Variants in MAP3K2 observed in about 807,000 individuals in gnomAD.
MAP3K2 encodes mitogen-activated protein kinase kinase kinase 2.
In MAP3K2, 24 loss-of-function variants were observed where a neutral mutation model predicts 80.3. That is an observed-to-expected ratio of 0.30 (90% CI 0.22 to 0.42). The LOEUF (loss-of-function observed/expected upper bound fraction) is 0.42. Among genes scored for constraint, MAP3K2 ranks in the 10% least tolerant of loss-of-function variants. The pLI is 1.00. For synonymous variants in MAP3K2, 244 were observed against 253.7 expected, an observed-to-expected ratio of 0.96 and a Z score of 0.36; for missense variants, 608 against 750.1, an observed-to-expected ratio of 0.81 and a Z score of 2.21.
chr2:127,346,862 C>T (rs1462980870), intron 1 of MAP3K2, among the ~76,000 whole-genome samples: 2 of 152,020 alleles, frequency 1.3e-5, no homozygotes, highest in African/African-American at 4.8e-5. Flanking sequence ...GTGATGGGCA[C>T]CTATAATCCC....
At chr2:127,340,710 T>C (rs1489237437) in intron 2 of MAP3K2, among the ~76,000 whole-genome samples, 1 of 151,742 alleles carries the variant, frequency 6.6e-6, no homozygotes, top group Non-Finnish European at 1.5e-5. Flanking sequence ...TAGGGATAGA[T>C]GAACTCTAAT....
At chr2:127,351,690 CA>C (rs1686694428) in intron 1 of MAP3K2, among the ~76,000 whole-genome samples, 3 of 152,040 alleles carry the variant, frequency 2.0e-5, no homozygotes, top group African/African-American at 7.3e-5. Flanking sequence ...GATTTTACTC[CA>C]AACTCTAATA....
intron 9 of MAP3K2, among the ~76,000 whole-genome samples, chr2:127,324,839 T>C (rs1029109559): frequency 1.3e-5 from 2 of 152,204 alleles, no homozygotes; most frequent in East Asian, 1.9e-4. Context: ...TACTGTCCTA[T>C]TGAGACCAGG....
rs6714840 is a variant in MAP3K2 at position 127,354,625 on chromosome 2, T to A, written c.-65-11431A>T. Among the ~76,000 whole-genome samples, 572 of 152,180 alleles carry A rather than the reference T, an allele frequency of 3.8e-3. 7 individuals carry two copies. The highest frequency in any genetic ancestry group is 0.013 in the African/African-American group (551 of 41,470). ...ACTTAAGAGCAAGACGCAAAGGATCTGTTTCCAAGTAATTTAACTGCTTCC... is the reference window on the plus strand; with the variant it reads ...ACTTAAGAGCAAGACGCAAAGGATCAGTTTCCAAGTAATTTAACTGCTTCC... On this transcript the variant is annotated intron_variant, in intron 1 of 16. Coordinates refer to ENST00000682094, the MANE Select transcript of MAP3K2 (RefSeq NM_001371910.2).
intron 1 of MAP3K2, among the ~76,000 whole-genome samples, chr2:127,358,345 TACAACCGCTTTGGA>T (rs1010691415): frequency 6.6e-6 from 1 of 152,196 alleles, no homozygotes; most frequent in Non-Finnish European, 1.5e-5. Context: ...TGTCAAATGG[TACAACCGCTTTGGA>T]AAACAGTTTG....
In MAP3K2 at chr2:127,378,256, C is replaced by T. The variant is rs368822410; in HGVS notation, c.-66+9196G>A. ...AAACAAAACTGGTACATTATTATTA[C>T]GTAGTGCTGAATCCTTTGTTTAAAT... On this transcript the variant is annotated intron_variant, in intron 1 of 16. Coordinates refer to ENST00000682094, the MANE Select transcript of MAP3K2 (RefSeq NM_001371910.2). The T allele has an allele frequency of 3.2e-5, 13 of 410,480 alleles. No individual in the cohort carries two copies. In the East Asian group the frequency reaches 1.6e-3, roughly 51 times the overall value. The allele number at this position is 410,480 out of a possible 1,614,324, so 25.4% of individuals were successfully genotyped here. A position where few individuals can be genotyped will look rare whatever the true frequency, so the allele number is the denominator to read the frequency against.
rs1413747119 is a variant in MAP3K2 at position 127,380,227 on chromosome 2, T to C, written c.-66+7225A>G. On this transcript the variant is annotated intron_variant, in intron 1 of 16. Coordinates refer to ENST00000682094, the MANE Select transcript of MAP3K2 (RefSeq NM_001371910.2). ...TGTTCTTGATGAGCTAACTTACTAC[T>C]GAACGACACATCAATGATTATAGTG... is the stretch of plus-strand genomic sequence containing the variant. 2.0e-5 allele frequency among the ~76,000 whole-genome samples: 3 copies of C among 152,182 alleles called. No homozygotes were observed. In the East Asian group the frequency reaches 5.8e-4, roughly 29 times the overall value.
At chr2:127,361,620 T>A (rs1411884846) in intron 1 of MAP3K2, among the ~76,000 whole-genome samples, 1 of 152,236 alleles carries the variant, frequency 6.6e-6, no homozygotes, top group African/African-American at 2.4e-5. Flanking sequence ...CTAGTAATTA[T>A]CACATTTGGG....
At chr2:127,362,752 G>C (rs937096368) in intron 1 of MAP3K2, among the ~76,000 whole-genome samples, 8 of 152,194 alleles carry the variant, frequency 5.3e-5, no homozygotes, top group Non-Finnish European at 1.0e-4. Context: ...GGAGACAACT[G>C]TATCTACTTT....
Position 127,325,767 on chromosome 2 carries a change from C to A in MAP3K2, c.638G>T (p.Gly213Val). 1 of 1,613,370 alleles carries A rather than the reference C, an allele frequency of 6.2e-7. No homozygotes were observed. The highest frequency in any genetic ancestry group is 8.5e-7 in the Non-Finnish European group (1 of 1,179,602). The change falls in exon 9 of 17, where the codon GGC (glycine) becomes GTC (valine). Residue 213 changes from glycine to valine, a missense_variant. Physicochemically the swap from Gly to Val is moderately radical, Grantham distance 109. This residue lies in a region of MAP3K2 where 467 missense variants were observed against 521.9 expected (regional missense o/e 0.89). Transcript: ENST00000682094. ...PLSLSSPENS[G>V]SGSCPSLDSP... The stretch of plus-strand genomic sequence containing the variant: ...ATCAAGTGATGGACAACTTCCTGAG[C>A]CAGAATTTTCAGGGCTGCTTAAAGA...
chr2:127,343,856 A>G (rs1686545398), intron 1 of MAP3K2, among the ~76,000 whole-genome samples: 1 of 151,918 alleles, frequency 6.6e-6, no homozygotes, highest in Non-Finnish European at 1.5e-5. Context: ...CATCTATACA[A>G]AAAAATACAA....
chr2:127,325,220 A>T (rs1686108208), intron 9 of MAP3K2, among the ~76,000 whole-genome samples: 1 of 152,212 alleles, frequency 6.6e-6, no homozygotes, highest in African/African-American at 2.4e-5. Context: ...ACTAACAAAG[A>T]TACTGAGTCC....
At chr2:127,372,656 T>TG (rs893490960) in intron 1 of MAP3K2, among the ~76,000 whole-genome samples, 24 of 152,072 alleles carry the variant, frequency 1.6e-4, no homozygotes, top group Admixed American at 4.6e-4. Flanking sequence ...ATTAGCCCAA[T>TG]GGGGGGGTCA....
chr2:127,384,570 T>C (rs1476447842), intron 1 of MAP3K2, among the ~76,000 whole-genome samples: 1 of 152,128 alleles, frequency 6.6e-6, no homozygotes, highest in Non-Finnish European at 1.5e-5. Context: ...GAAGTAACTG[T>C]AGATGTGACG....
intron 7 of MAP3K2, among the ~76,000 whole-genome samples, chr2:127,327,759 T>C (rs1170243682): frequency 6.6e-6 from 1 of 152,180 alleles, no homozygotes; most frequent in East Asian, 1.9e-4. Flanking sequence ...GAAAAATAGA[T>C]AATGGTCATA....
chr2:127,376,341 A>C (rs1042090375), intron 1 of MAP3K2, among the ~76,000 whole-genome samples: 3 of 152,122 alleles, frequency 2.0e-5, no homozygotes, highest in Non-Finnish European at 4.4e-5. Flanking sequence ...GAGCGCAACC[A>C]TGTGAACTGC....
chr2:127,307,713 G>C lies in MAP3K2; in HGVS notation c.1726C>G (p.Gln576Glu). The C allele has an allele frequency of 1.9e-6, 3 of 1,597,586 alleles. No homozygotes were observed. The highest frequency in any genetic ancestry group is 2.6e-6 in the Non-Finnish European group (3 of 1,171,484). The change falls in exon 17 of 17, where the codon CAG (glutamine) becomes GAG (glutamate). Residue 576 changes from glutamine (Q) to glutamate (E), a missense_variant. By Grantham distance (29) the Gln-to-Glu change is conservative (BLOSUM62 2). Around this residue, in one of 4 missense-constraint regions of MAP3K2, gnomAD observed 42 missense variants for 53.7 expected, o/e 0.78. Coordinates refer to ENST00000682094, the MANE Select transcript of MAP3K2 (RefSeq NM_001371910.2). This position sits in a 1 kb window ranked among gnomAD's most constrained non-coding sequence, Gnocchi z 5.4. ...AMAAIFKIAT[Q>E]PTNPKLPPHV... ...GGTGGCAGCTTTGGGTTTGTTGGCT[G>C]AGTGGCGATTTTAAAGATGGCAGCC...
In MAP3K2 at chr2:127,307,523, A is replaced by G. The variant is rs1685725168; in HGVS notation, c.*56T>C. On this transcript the variant is annotated 3_prime_UTR_variant, in exon 17 of 17. Coordinates refer to ENST00000682094, the MANE Select transcript of MAP3K2 (RefSeq NM_001371910.2). This position sits in a 1 kb window ranked among gnomAD's most constrained non-coding sequence, Gnocchi z 5.4. ...ATAAAAAAGAAAAGTGCAGTCAGAGAGAAGGTGAATGAATAGATGGGAGCT... is the reference window on the plus strand; with the variant it reads ...ATAAAAAAGAAAAGTGCAGTCAGAGGGAAGGTGAATGAATAGATGGGAGCT... 5 of 1,115,486 alleles carry G rather than the reference A, an allele frequency of 4.5e-6. No homozygotes were observed. Among genetic ancestry groups the G allele is most frequent in the African/African-American group, 1.6e-5 (1 of 63,624 alleles). 69.1% of individuals were successfully genotyped at this position (1,115,486 alleles called of 1,614,324 possible). A position where few individuals can be genotyped will look rare whatever the true frequency, so the allele number is the denominator to read the frequency against.
intron 1 of MAP3K2, among the ~76,000 whole-genome samples, chr2:127,375,802 G>T (rs933723280): frequency 2.0e-5 from 3 of 152,044 alleles, no homozygotes; most frequent in Admixed American, 1.3e-4. Context: ...TTCTAACAAC[G>T]TGACTGCTTG....
Sources: allele counts gnomAD v4.1 joint callset (sites outside exome capture counted in the v4.1 genomes callset), GRCh38; gene constraint gnomAD v4.1.1; regional missense constraint gnomAD v4.1.1; non-coding constraint Gnocchi (gnomAD v3.1); transcripts MANE v1.5; gene names NCBI Gene and HGNC (gene_info 2026-07-23, HGNC 2026-07-21).